The following NPHP3 variants were observed in gnomAD, a reference collection of about 807,000 sequenced individuals.
NPHP3 encodes nephrocystin-3.
In NPHP3, 123 loss-of-function variants were observed where a neutral mutation model predicts 171.9. That is an observed-to-expected ratio of 0.72 (90% CI 0.62 to 0.83). The LOEUF (loss-of-function observed/expected upper bound fraction) is 0.83, where lower values mean the gene tolerates loss of function less well. Among genes scored for constraint, NPHP3 ranks in the 40% least tolerant of loss-of-function variants. The probability of loss-of-function intolerance (pLI) is 0.00; values close to 1 mark genes in which losing one functional copy is unlikely to be tolerated. For synonymous variants in NPHP3, 558 were observed against 579.2 expected, an observed-to-expected ratio of 0.96 and a Z score of 0.52; for missense variants, 1,506 against 1,591.9, an observed-to-expected ratio of 0.95 and a Z score of 0.92.
chr3:132,720,659 AAACAAC>A (rs564919142), intron 1 of NPHP3, among the ~76,000 whole-genome samples: 22 of 151,968 alleles, frequency 1.4e-4, no homozygotes, highest in Middle Eastern at 3.4e-3. Flanking sequence ...TTAAAAACAA[AAACAAC>A]AACAACAACA....
chr3:132,698,223 C>T (rs1339029664), intron 13 of NPHP3, among the ~76,000 whole-genome samples: 1 of 152,118 alleles, frequency 6.6e-6, no homozygotes, highest in African/African-American at 2.4e-5. Context: ...TCCCGATCCA[C>T]CCGCCTCGGC....
At chr3:132,706,806 A>C (rs143740314) in intron 7 of NPHP3, among the ~76,000 whole-genome samples, 10 of 152,348 alleles carry the variant, frequency 6.6e-5, no homozygotes, top group African/African-American at 2.4e-4. Flanking sequence ...AGAATAAAAA[A>C]GATAAATTAA....
chr3:132,695,092 T>A, intron 15 of NPHP3, 127 bp from the exon 16 acceptor site: 1 of 878,962 alleles, frequency 1.1e-6, no homozygotes. Flanking sequence ...CAATAAAACA[T>A]GATAAAGGAA....
chr3:132,688,783 A>G lies in NPHP3; in HGVS notation c.2992T>C (p.Trp998Arg), dbSNP rs1289028401. The G allele has an allele frequency of 1.2e-6, 2 of 1,614,074 alleles. No homozygotes were observed. Among genetic ancestry groups the G allele is most frequent in the Non-Finnish European group, 1.7e-6 (2 of 1,179,982 alleles). ...LHQLASVYVQ[W>R]KKFGNAEQLY... ...TGTTCTGCATTGCCAAACTTCTTCC[A>G]CTGCACGTATACACTTGCTAGTTGG... The change falls in exon 21 of 27, where the codon TGG becomes CGG. Residue 998 changes from tryptophan to arginine, a missense_variant. Transcript: ENST00000337331.
At chr3:132,721,004 G>C (rs1016766018) in intron 1 of NPHP3, among the ~76,000 whole-genome samples, 2 of 151,670 alleles carry the variant, frequency 1.3e-5, no homozygotes, top group African/African-American at 4.9e-5. Context: ...TGCAACCTCC[G>C]CCTCCCGGGT....
intron 7 of NPHP3, among the ~76,000 whole-genome samples, chr3:132,706,264 C>T (rs146444358): frequency 0.012 from 1,800 of 150,516 alleles, 14 homozygotes; most frequent in Non-Finnish European, 0.019. Flanking sequence ...GAGGTTGAGG[C>T]AAGAGAATGG....
intron 3 of NPHP3, among the ~76,000 whole-genome samples, chr3:132,718,465 C>A (rs1940116108): frequency 6.6e-6 from 1 of 152,206 alleles, no homozygotes; most frequent in African/African-American, 2.4e-5. Flanking sequence ...AAGAATACAT[C>A]ATTATGTAAA....
intron 15 of NPHP3, among the ~76,000 whole-genome samples, chr3:132,695,426 A>G (rs1359301877): frequency 6.6e-6 from 1 of 152,220 alleles, no homozygotes; most frequent in African/African-American, 2.4e-5. Flanking sequence ...CCAGTTTTTA[A>G]AAATAATATA....
At chr3:132,714,179 A>C (rs1939986817) in intron 5 of NPHP3, among the ~76,000 whole-genome samples, 1 of 152,268 alleles carries the variant, frequency 6.6e-6, no homozygotes, top group Non-Finnish European at 1.5e-5. Flanking sequence ...TGTTCTAATA[A>C]AACTTGATAG....
chr3:132,687,743 A>G (rs1939198470), intron 21 of NPHP3, among the ~76,000 whole-genome samples: 1 of 152,232 alleles, frequency 6.6e-6, no homozygotes, highest in Non-Finnish European at 1.5e-5. Context: ...ATCACTTATG[A>G]TAGAGCAAAA....
rs555403705 is a variant in NPHP3, at chr3:132,705,579, T to G, written c.1350+161A>C. 38 of 569,438 alleles carry G rather than the reference T, an allele frequency of 6.7e-5. No homozygotes were observed. The African/African-American group carries it at 7.0e-4, about 10-fold the overall frequency. 35.3% of individuals were successfully genotyped at this position (569,438 alleles called of 1,614,324 possible). A position where few individuals can be genotyped will look rare whatever the true frequency, so the allele number is the denominator to read the frequency against. On this transcript the variant is annotated intron_variant, in intron 8 of 26. Transcript: ENST00000337331. ...TATTAATACATGGTCCTAGTAATAC[T>G]AAGAACATACCACAGGATGGACTCC... is the stretch of plus-strand genomic sequence containing the variant.
At chr3:132,685,931 G>C in intron 23 of NPHP3, 1 of 313,262 alleles carries the variant, frequency 3.2e-6, no homozygotes, top group South Asian at 2.9e-5. Context: ...TGCGCCTGTA[G>C]TCCCAGTTAC....
chr3:132,695,236 C>T (rs1939422766), intron 15 of NPHP3: 1 of 361,924 alleles, frequency 2.8e-6, no homozygotes, highest in African/African-American at 2.1e-5. Flanking sequence ...AAAAATGAGT[C>T]AGACACGGTT....
In NPHP3 at chr3:132,708,146, T is replaced by C. The variant is rs777074422; in HGVS notation, c.1230A>G (p.Gln410=). 3 of 1,614,098 alleles carry C rather than the reference T, an allele frequency of 1.9e-6. No homozygotes were observed. The highest frequency in any genetic ancestry group is 2.5e-6 in the Non-Finnish European group (3 of 1,180,030). Residue 410 remains glutamine (Q), a synonymous_variant, in exon 7 of 27, where the codon CAA becomes CAG. Coordinates refer to ENST00000337331, the MANE Select transcript of NPHP3 (RefSeq NM_153240.5). The part of the protein sequence containing the change: ...DGKVSSDSVQ[Q]LIDQVSNLNK... ...TTAGATTAGAAACTTGATCAATCAA[T>C]TGCTGGACAGAGTCAGAACTGACTT...
chr3:132,684,358 A>G (rs1219835482), intron 24 of NPHP3, among the ~76,000 whole-genome samples, 196 bp downstream of exon 24: 1 of 152,222 alleles, frequency 6.6e-6, no homozygotes, highest in Admixed American at 6.5e-5. Context: ...TTCAGAATCA[A>G]GAATCAATGT....
chr3:132,694,721 C>T, intron 16 of NPHP3, 106 bp downstream of exon 16: 1 of 1,312,640 alleles, frequency 7.6e-7, no homozygotes, highest in Non-Finnish European at 1.1e-6. Context: ...CCTGCATATG[C>T]CTGAAACATA....
intron 23 of NPHP3, chr3:132,686,035 C>T (rs538494164): frequency 7.4e-5 from 32 of 432,392 alleles, no homozygotes; most frequent in Non-Finnish European, 1.2e-4. Context: ...GGCAACAGAG[C>T]GAGACTCCGT....
chr3:132,719,855 C>G, intron 1 of NPHP3, 25 bp from the exon 2 acceptor site: 1 of 1,524,036 alleles, frequency 6.6e-7, no homozygotes, highest in Non-Finnish European at 8.9e-7. Context: ...CTTGTTATTT[C>G]CTAACAAAAA....
chr3:132,684,670 C>T lies in NPHP3; in HGVS notation c.3454G>A (p.Asp1152Asn), dbSNP rs746500844. The change falls in exon 24 of 27, where the codon GAT (aspartate) becomes AAT (asparagine). Residue 1152 changes from aspartate to asparagine, a missense_variant. By Grantham distance (23) the Asp-to-Asn change is conservative. Coordinates refer to ENST00000337331, the MANE Select transcript of NPHP3 (RefSeq NM_153240.5). The stretch of plus-strand genomic sequence containing the variant: ...CTTTCATAAAGTTCTTCTGCTTTAT[C>T]ATACTGTTTCTTTTCATTGCATAGA... ...AALCNEKKQY[D>N]KAEELYERAL... The T allele has an allele frequency of 6.2e-7, 1 of 1,614,088 alleles. No homozygotes were observed. Among genetic ancestry groups the T allele is most frequent in the Non-Finnish European group, 8.5e-7 (1 of 1,180,000 alleles).
Sources: gnomAD v4.1 joint callset for allele counts (sites outside exome capture counted in the v4.1 genomes callset) on GRCh38, gnomAD v4.1.1 for gene constraint, MANE v1.5 for transcripts, NCBI Gene and HGNC (gene_info 2026-07-23, HGNC 2026-07-21) for gene names.